Variants in NKAIN3 observed in about 807,000 individuals in gnomAD.
The protein encoded by NKAIN3 is sodium/potassium transporting ATPase interacting 3.
In NKAIN3, 25 loss-of-function variants were observed where a neutral mutation model predicts 30.2. That is an observed-to-expected ratio of 0.83 (90% CI 0.60 to 1.16). The LOEUF is 1.16. Ranked by LOEUF, NKAIN3 falls within the 50% of genes most tolerant of loss-of-function variation. The probability of loss-of-function intolerance (pLI) is 0.00; values close to 1 mark genes in which losing one functional copy is unlikely to be tolerated. For missense variants in NKAIN3, 225 were observed against 254.1 expected (o/e 0.89, Z 0.78); for synonymous variants, 91 against 89.6 (o/e 1.02, Z -0.09).
intron 4 of NKAIN3, among the ~76,000 whole-genome samples, chr8:62,915,576 G>A (rs1399587670): frequency 2.0e-5 from 3 of 152,186 alleles, no homozygotes; most frequent in Non-Finnish European, 2.9e-5. Flanking sequence ...AAGTCACTAA[G>A]TTTGCAGCAA....
At chr8:62,635,267 C>T (rs1012388919) in intron 3 of NKAIN3, among the ~76,000 whole-genome samples, 1 of 152,136 alleles carries the variant, frequency 6.6e-6, no homozygotes, top group African/African-American at 2.4e-5. Flanking sequence ...TAGTTGTGAG[C>T]TCTCTCAATC....
intron 1 of NKAIN3, among the ~76,000 whole-genome samples, chr8:62,271,628 T>C (rs1168907819): frequency 6.6e-6 from 1 of 152,206 alleles, no homozygotes; most frequent in Non-Finnish European, 1.5e-5. Flanking sequence ...TTAGCTGTTT[T>C]AATTTTTTCA....
At chr8:62,398,007 C>A (rs1817819534) in intron 1 of NKAIN3, among the ~76,000 whole-genome samples, 1 of 152,114 alleles carries the variant, frequency 6.6e-6, no homozygotes, top group Admixed American at 6.5e-5. Flanking sequence ...AACATGGACA[C>A]TAACTTAAGG....
intron 3 of NKAIN3, among the ~76,000 whole-genome samples, chr8:62,734,706 A>G (rs1322958494): frequency 2.6e-5 from 4 of 152,242 alleles, no homozygotes; most frequent in South Asian, 4.1e-4. Context: ...GTCAGGAGTT[A>G]GTAATGTCAA....
At chr8:62,879,124 A>G (rs1820892873) in intron 4 of NKAIN3, among the ~76,000 whole-genome samples, 1 of 152,206 alleles carries the variant, frequency 6.6e-6, no homozygotes, top group South Asian at 2.1e-4. Context: ...TTACAGTCCC[A>G]CCAACAGTGT....
At position 62,291,828 on chromosome 8, in the gene NKAIN3, C is replaced by T. The variant is rs1813647552; in HGVS notation, c.54+42701C>T. On this transcript the variant is annotated intron_variant, in intron 1 of 6. Coordinates refer to ENST00000623646, the MANE Select transcript of NKAIN3 (RefSeq NM_001304533.3). ...GTCTCGTTGATCTGTCTAATGTTGA[C>T]CGTGGGATGTGAAAGTCTCCCATTA... Among the ~76,000 whole-genome samples the T allele has an allele frequency of 1.3e-5, 2 of 152,166 alleles. 1 individual carries two copies. Among genetic ancestry groups the T allele is most frequent in the Admixed American group, 1.3e-4 (2 of 15,286 alleles).
intron 1 of NKAIN3, among the ~76,000 whole-genome samples, chr8:62,255,270 C>T (rs1023743119): frequency 6.6e-6 from 1 of 152,106 alleles, no homozygotes; most frequent in African/African-American, 2.4e-5. Context: ...GCAATTGGGA[C>T]GCTTTGGGGA....
intron 1 of NKAIN3, among the ~76,000 whole-genome samples, chr8:62,565,345 T>C (rs1209999094): frequency 1.4e-5 from 2 of 144,532 alleles, no homozygotes; most frequent in Non-Finnish European, 3.1e-5. Context: ...TGCATATGTA[T>C]ACATGGGCAT....
intron 4 of NKAIN3, among the ~76,000 whole-genome samples, chr8:62,799,429 C>A (rs538589460): frequency 1.3e-5 from 2 of 152,212 alleles, no homozygotes; most frequent in East Asian, 3.9e-4. Flanking sequence ...AAATAGCCAA[C>A]AAGCATACGG....
intron 3 of NKAIN3, among the ~76,000 whole-genome samples, chr8:62,725,981 ATATCT>A (rs772092294): frequency 2.6e-5 from 4 of 152,036 alleles, no homozygotes; most frequent in Non-Finnish European, 4.4e-5. Context: ...TGAACATGAC[ATATCT>A]TTTCATTGTT....
At chr8:62,426,980 C>T (rs1156596141) in intron 1 of NKAIN3, among the ~76,000 whole-genome samples, 1 of 151,920 alleles carries the variant, frequency 6.6e-6, no homozygotes, top group Non-Finnish European at 1.5e-5. Context: ...CAGGACACTC[C>T]CATGCTGGGG....
chr8:62,883,489 G>T (rs4481583), intron 4 of NKAIN3, among the ~76,000 whole-genome samples: 1 of 35,674 alleles, frequency 2.8e-5, no homozygotes, highest in Non-Finnish European at 4.6e-5. Flanking sequence ...TTTCTACATA[G>T]AAGATCATGT....
At chr8:62,667,361 GTA>G (rs61113266) in intron 3 of NKAIN3, among the ~76,000 whole-genome samples, 59,481 of 136,818 alleles carry the variant, frequency 0.43, 13,929 homozygotes, top group African/African-American at 0.66. Flanking sequence ...ATATATATCT[GTA>G]TATATATATA....
At chr8:62,639,740 G>A (rs1187579943) in intron 3 of NKAIN3, among the ~76,000 whole-genome samples, 1 of 152,106 alleles carries the variant, frequency 6.6e-6, no homozygotes, top group Non-Finnish European at 1.5e-5. Context: ...AGAAAAGGGG[G>A]AGGATGTGGG....
chr8:62,720,500 GTTAA>G (rs1305055270), intron 3 of NKAIN3, among the ~76,000 whole-genome samples: 1 of 152,022 alleles, frequency 6.6e-6, no homozygotes, highest in Non-Finnish European at 1.5e-5. Flanking sequence ...TCTGTTTTTT[GTTAA>G]TTGTTTATAA....
In NKAIN3 at chr8:62,329,255, C is replaced by G. The variant is rs111623887; in HGVS notation, c.54+80128C>G. 8.1e-3 allele frequency among the ~76,000 whole-genome samples: 1,230 copies of G among 152,144 alleles called. 24 individuals carry two copies. Among genetic ancestry groups the G allele is most frequent in the African/African-American group, 0.028 (1,162 of 41,504 alleles). ...GAAACTGTGAGAAAATAAGTGTTTA[C>G]TCTTTTACCCTGAAAAATTTGAAAG... On this transcript the variant is annotated intron_variant, in intron 1 of 6. Transcript: ENST00000623646.
intron 1 of NKAIN3, among the ~76,000 whole-genome samples, chr8:62,469,569 A>G (rs938742090): frequency 3.3e-5 from 5 of 152,084 alleles, no homozygotes; most frequent in African/African-American, 1.2e-4. Flanking sequence ...AGACCTCTAG[A>G]TTGGGCCCTT....
At chr8:62,737,174 C>T (rs1354248396) in intron 3 of NKAIN3, among the ~76,000 whole-genome samples, 2 of 152,140 alleles carry the variant, frequency 1.3e-5, no homozygotes, top group African/African-American at 4.8e-5. Flanking sequence ...ATCAAAAGTT[C>T]ATGATGTGAG....
At chr8:62,864,937 A>G (rs1586285295) in intron 4 of NKAIN3, among the ~76,000 whole-genome samples, 1 of 152,138 alleles carries the variant, frequency 6.6e-6, no homozygotes, top group Non-Finnish European at 1.5e-5. Context: ...CGCGGCGTGT[A>G]TGGCATTTGA....
Sources: allele counts gnomAD v4.1 joint callset (sites outside exome capture counted in the v4.1 genomes callset), GRCh38; gene constraint gnomAD v4.1.1; transcripts MANE v1.5; gene names NCBI Gene and HGNC (gene_info 2026-07-23, HGNC 2026-07-21).